The following WDR35 variants were observed in gnomAD, a reference collection of about 807,000 sequenced individuals.
WDR35 encodes the protein WD repeat domain 35, also known as WD repeat-containing protein 35.
In WDR35, 118 loss-of-function variants were observed where a neutral mutation model predicts 158.3. The ratio of observed to expected loss-of-function variants is 0.75; its 90% CI spans 0.64 to 0.87. WDR35 has a LOEUF of 0.87. WDR35 is among the 40% of genes least tolerant of loss of function. The pLI is 0.00. For synonymous variants in WDR35, 448 were observed against 476.1 expected (o/e 0.94, Z 0.77); for missense variants, 1,263 against 1,405.8 (o/e 0.90, Z 1.62).
intron 11 of WDR35, among the ~76,000 whole-genome samples, chr2:19,959,106 C>T (rs1029676829): frequency 1.3e-4 from 19 of 151,266 alleles, no homozygotes; most frequent in Non-Finnish European, 2.4e-4. Flanking sequence ...TCACTGCAGG[C>T]CAATGAAAGA....
At position 19,941,755 on chromosome 2, in the gene WDR35, T is replaced by C; in HGVS notation, c.1926+4A>G. 1.3e-6 allele frequency: 2 copies of C among 1,538,724 alleles called. No homozygotes were observed. The highest frequency in any genetic ancestry group is 1.8e-6 in the Non-Finnish European group (2 of 1,124,984). On this transcript the variant is annotated splice_donor_region_variant and intron_variant, in intron 17 of 26. Transcript: ENST00000281405. The stretch of plus-strand genomic sequence containing the variant: ...CAACAGAAATGTAACTTTTTAGGAA[T>C]TACCTTTAATATCTCATCCAAAAGA...
At chr2:19,984,225 T>C (rs114345684) in intron 2 of WDR35, among the ~76,000 whole-genome samples, 411 of 151,852 alleles carry the variant, frequency 2.7e-3, no homozygotes, top group African/African-American at 9.4e-3. Context: ...TGAACAAATA[T>C]CATCCACATC....
At chr2:19,915,874 T>C (rs562158640) in intron 25 of WDR35, among the ~76,000 whole-genome samples, 5 of 149,660 alleles carry the variant, frequency 3.3e-5, no homozygotes, top group Non-Finnish European at 5.9e-5. Flanking sequence ...TGAGCTGAGA[T>C]TATGCCACTG....
intron 11 of WDR35, among the ~76,000 whole-genome samples, chr2:19,956,809 C>A (rs1441820710): frequency 1.3e-5 from 2 of 151,752 alleles, no homozygotes; most frequent in East Asian, 3.9e-4. Flanking sequence ...TTAGTAGAGA[C>A]GGGGTTTCAC....
intron 10 of WDR35, among the ~76,000 whole-genome samples, chr2:19,965,244 G>C (rs904282189): frequency 2.6e-5 from 4 of 152,194 alleles, no homozygotes; most frequent in African/African-American, 9.7e-5. Context: ...TTTTTCAGAC[G>C]TGTCCTTCCT....
intron 9 of WDR35, 30 bp from the exon 10 acceptor site, chr2:19,966,939 G>C: frequency 4.4e-6 from 7 of 1,595,630 alleles, no homozygotes; most frequent in Non-Finnish European, 6.0e-6. Context: ...GAAAGGGAAG[G>C]AGATTGAAAG....
At chr2:19,942,574 G>A (rs1212115827) in intron 16 of WDR35, among the ~76,000 whole-genome samples, 1 of 150,548 alleles carries the variant, frequency 6.6e-6, no homozygotes, top group Admixed American at 6.6e-5. Flanking sequence ...TGGCAAGACA[G>A]TGCAACAAAA....
At chr2:19,929,167 G>A (rs1232995683) in intron 25 of WDR35, among the ~76,000 whole-genome samples, 1 of 152,110 alleles carries the variant, frequency 6.6e-6, no homozygotes, top group African/African-American at 2.4e-5. Context: ...AAAGGATCAA[G>A]TAACTATAAC....
At chr2:19,985,088 T>C (rs1672510663) in intron 2 of WDR35, among the ~76,000 whole-genome samples, 2 of 152,182 alleles carry the variant, frequency 1.3e-5, no homozygotes, top group Non-Finnish European at 2.9e-5. Context: ...GTTGAGGCAA[T>C]GTCACTGCCT....
At chr2:19,989,116 A>G (rs753313904) in intron 2 of WDR35, 49 bp downstream of exon 2, 5 of 1,545,172 alleles carry the variant, frequency 3.2e-6, no homozygotes, top group Non-Finnish European at 4.5e-6. Flanking sequence ...CACTGAACAA[A>G]TAACATTAGC....
At position 19,914,050 on chromosome 2, in the gene WDR35, T is replaced by C. The variant is rs369515554; in HGVS notation, c.3349A>G (p.Ser1117Gly). 2.3e-5 allele frequency: 37 copies of C among 1,614,020 alleles called. No homozygotes were observed. In the African/African-American group the frequency reaches 4.7e-4, roughly 20 times the overall value. The change falls in exon 26 of 27, where the codon AGC becomes GGC. Residue 1117 changes from serine to glycine, a missense_variant. Ser to Gly is a moderately conservative substitution (Grantham distance 56). Coordinates refer to ENST00000281405, the MANE Select transcript of WDR35 (RefSeq NM_020779.4). Reference protein sequence around the residue: ...SKDNRKPELDSLMEGGEGKLP... With the variant: ...SKDNRKPELDGLMEGGEGKLP... ...AAATTAGCCTACCCTTCCATAAGGC[T>C]GTCCAATTCAGGTTTTCTGTTATCT...
At chr2:19,932,155 G>A in intron 23 of WDR35, 128 bp downstream of exon 23, 1 of 1,182,996 alleles carries the variant, frequency 8.5e-7, no homozygotes, top group Non-Finnish European at 1.2e-6. Flanking sequence ...GTATACAGAA[G>A]CAATAAAACC....
chr2:19,975,486 C>A (rs1488792428), intron 6 of WDR35, 44 bp downstream of exon 6: 1 of 1,581,070 alleles, frequency 6.3e-7, no homozygotes, highest in Non-Finnish European at 8.6e-7. Flanking sequence ...GTACGATAAT[C>A]ATATAAAATT....
Position 19,912,376 on chromosome 2 carries a change from C to G in WDR35, c.*1182G>C, listed in dbSNP as rs1669865383. 6.6e-6 allele frequency: 1 copy of G among 152,134 alleles called. No homozygotes were observed. 9.4% of individuals were successfully genotyped at this position (152,134 alleles called of 1,614,324 possible). A position where few individuals can be genotyped will look rare whatever the true frequency, so the allele number is the denominator to read the frequency against. ...GACAGAGACCTCAAAGACTTCTGGT[C>G]TTCTCTTTTTATTTAGGCCAATGAG... On this transcript the variant is annotated 3_prime_UTR_variant, in exon 27 of 27. Transcript: ENST00000281405.
chr2:19,967,334 A>G (rs1671889105), intron 9 of WDR35, among the ~76,000 whole-genome samples: 1 of 152,150 alleles, frequency 6.6e-6, no homozygotes, highest in Non-Finnish European at 1.5e-5. Context: ...TGCTTTTATC[A>G]GAGTAACATA....
rs1669895537 is a variant in WDR35, at chr2:19,913,445, A to G, written c.*113T>C. 2 of 1,383,436 alleles carry G rather than the reference A, an allele frequency of 1.4e-6. No homozygotes were observed. The highest frequency in any genetic ancestry group is 2.9e-5 in the African/African-American group (2 of 69,558). 85.7% of individuals were successfully genotyped at this position (1,383,436 alleles called of 1,614,324 possible). A position where few individuals can be genotyped will look rare whatever the true frequency, so the allele number is the denominator to read the frequency against. Reference sequence around the variant, plus strand: ...TTGTGCAAAAATTCAACTATAAATAATGAGGCTGATTTTCATACAAAACTC... The same window carrying G: ...TTGTGCAAAAATTCAACTATAAATAGTGAGGCTGATTTTCATACAAAACTC... On this transcript the variant is annotated 3_prime_UTR_variant, in exon 27 of 27. Coordinates refer to ENST00000281405, the MANE Select transcript of WDR35 (RefSeq NM_020779.4).
intron 19 of WDR35, among the ~76,000 whole-genome samples, chr2:19,937,147 C>A (rs1227131954): frequency 6.6e-6 from 1 of 152,178 alleles, no homozygotes; most frequent in Non-Finnish European, 1.5e-5. Context: ...ATCTTAACAG[C>A]TGAAATGAAG....
At chr2:19,973,240 A>G (rs1459720012) in intron 8 of WDR35, among the ~76,000 whole-genome samples, 2 of 152,098 alleles carry the variant, frequency 1.3e-5, no homozygotes, top group African/African-American at 4.8e-5. Context: ...TATTATACTA[A>G]ATACTACTCA....
intron 15 of WDR35, 37 bp from the exon 16 acceptor site, chr2:19,946,033 T>C (rs1283684529): frequency 2.5e-6 from 4 of 1,584,858 alleles, no homozygotes; most frequent in South Asian, 2.2e-5. Context: ...GAAAAAACTA[T>C]AAAATTACTA....
Sources: gnomAD v4.1 joint callset for allele counts (sites outside exome capture counted in the v4.1 genomes callset) on GRCh38, gnomAD v4.1.1 for gene constraint, MANE v1.5 for transcripts, NCBI Gene and HGNC (gene_info 2026-07-23, HGNC 2026-07-21) for gene names.